The following BRD10 variants were observed in gnomAD, a reference collection of about 807,000 sequenced individuals.
The protein encoded by BRD10 is uncharacterized bromodomain-containing protein 10.
the BRD10 span, among the ~76,000 whole-genome samples, chr9:5,883,056 G>GT: frequency 6.6e-6 from 1 of 152,226 alleles, no homozygotes; most frequent in Admixed American, 6.5e-5. Flanking sequence ...TATACCTAAT[G>GT]TAAATGACGA....
At chr9:5,963,869 T>C in the BRD10 span, among the ~76,000 whole-genome samples, 2 of 151,868 alleles carry the variant, frequency 1.3e-5, no homozygotes, top group Non-Finnish European at 2.9e-5. Context: ...AAGCTGAAAC[T>C]GGATCCCTTC....
the BRD10 span, among the ~76,000 whole-genome samples, chr9:5,918,520 A>C: frequency 6.6e-6 from 1 of 152,220 alleles, no homozygotes; most frequent in African/African-American, 2.4e-5. Flanking sequence ...GTTCAAGACC[A>C]GCCTAGCAAC....
chr9:5,880,672 T>A, the BRD10 span, among the ~76,000 whole-genome samples: 1 of 151,974 alleles, frequency 6.6e-6, no homozygotes, highest in African/African-American at 2.4e-5. Flanking sequence ...ACCTGATCCC[T>A]TTCCCTCCCC....
chr9:5,920,657 C>G, the BRD10 span: 1 of 1,613,836 alleles, frequency 6.2e-7, no homozygotes, highest in African/African-American at 1.3e-5. Flanking sequence ...CCGAGATTGT[C>G]TTTTAGAAAT....
the BRD10 span, among the ~76,000 whole-genome samples, chr9:5,887,948 T>C: frequency 6.6e-6 from 1 of 152,192 alleles, no homozygotes; most frequent in African/African-American, 2.4e-5. Context: ...TTGTTTTCTT[T>C]CTCCCTTACC....
chr9:6,007,837 G>A, the BRD10 span: 226 of 1,393,824 alleles, frequency 1.6e-4, no homozygotes, highest in Non-Finnish European at 2.0e-4. Flanking sequence ...TCGAGGTGCT[G>A]GGGGACGCGT....
At chr9:5,984,642 A>G in the BRD10 span, among the ~76,000 whole-genome samples, 1 of 152,188 alleles carries the variant, frequency 6.6e-6, no homozygotes, top group Non-Finnish European at 1.5e-5. Context: ...CAAAACTCAG[A>G]GAAGACAAAA....
chr9:5,919,543 AACACACACACACACACACACACAC>A, the BRD10 span: 1 of 394,970 alleles, frequency 2.5e-6, no homozygotes, highest in Non-Finnish European at 4.3e-6. Flanking sequence ...GATACATTAA[AACACACACACACACACACACACAC>A]ACACACACAC....
the BRD10 span, among the ~76,000 whole-genome samples, chr9:6,000,117 C>G: frequency 6.6e-6 from 1 of 152,086 alleles, no homozygotes; most frequent in Non-Finnish European, 1.5e-5. Context: ...TAGGATCTTT[C>G]TAGTTAACAA....
At chr9:5,925,536 A>T in the BRD10 span, among the ~76,000 whole-genome samples, 12 of 152,144 alleles carry the variant, frequency 7.9e-5, no homozygotes, top group African/African-American at 2.9e-4. Context: ...ATTACTGACT[A>T]TAACACATCT....
the BRD10 span, chr9:5,929,280 G>A: frequency 1.9e-6 from 1 of 532,352 alleles, no homozygotes; most frequent in South Asian, 3.2e-5. Context: ...TTCTTCAGAA[G>A]CTTGCAGAAA....
the BRD10 span, among the ~76,000 whole-genome samples, chr9:5,981,146 T>C: frequency 6.6e-6 from 1 of 152,222 alleles, no homozygotes; most frequent in Non-Finnish European, 1.5e-5. Flanking sequence ...ATAGGCAACC[T>C]CACTCTCAGT....
At chr9:5,980,942 C>T in the BRD10 span, among the ~76,000 whole-genome samples, 1 of 152,192 alleles carries the variant, frequency 6.6e-6, no homozygotes, top group Non-Finnish European at 1.5e-5. Context: ...ACAGTAACAA[C>T]AACAACAACA....
the BRD10 span, among the ~76,000 whole-genome samples, chr9:5,989,416 G>A: frequency 6.5e-5 from 9 of 139,074 alleles, no homozygotes; most frequent in African/African-American, 1.9e-4. Context: ...GGGTGACAGA[G>A]TTCCTACCTC....
At chr9:5,933,851 G>T in the BRD10 span, 1 of 470,500 alleles carries the variant, frequency 2.1e-6, no homozygotes, top group Admixed American at 2.3e-5. Context: ...GAGGGAGTTG[G>T]CAATCTACTG....
chr9:5,922,262 G>C, the BRD10 span: 1 of 1,613,970 alleles, frequency 6.2e-7, no homozygotes, highest in Non-Finnish European at 8.5e-7. Context: ...AGGATTTGTA[G>C]ACCCATTTAG....
chr9:5,920,530 A>G, the BRD10 span: 2 of 1,613,994 alleles, frequency 1.2e-6, no homozygotes, highest in East Asian at 2.2e-5. Context: ...AATTGGACGT[A>G]TTAGTTATTT....
the BRD10 span, chr9:5,924,691 G>C: frequency 6.5e-7 from 1 of 1,534,794 alleles, no homozygotes; most frequent in East Asian, 2.3e-5. Flanking sequence ...AGGATATCCA[G>C]AGGTTCTGTT....
At chr9:5,933,969 A>G in the BRD10 span, 1 of 379,652 alleles carries the variant, frequency 2.6e-6, no homozygotes, top group East Asian at 7.2e-5. Flanking sequence ...TAATTTAGAT[A>G]CTTTGTACAT....
Sources: gnomAD v4.1 joint callset for allele counts (sites outside exome capture counted in the v4.1 genomes callset) on GRCh38, gnomAD v4.1.1 for gene constraint, MANE v1.5 for transcripts, NCBI Gene and HGNC (gene_info 2026-07-23, HGNC 2026-07-21) for gene names.